Variants in KCNU1 observed in about 807,000 individuals in gnomAD.
The protein encoded by KCNU1 is potassium calcium-activated channel subfamily U member 1.
KCNU1 carries 93 observed loss-of-function variants against 126.8 expected under a neutral mutation model. That is an observed-to-expected ratio of 0.73 (90% CI 0.62 to 0.87). The LOEUF is 0.87. KCNU1 is among the 40% of genes least tolerant of loss of function. The probability of loss-of-function intolerance (pLI) is 0.00; values close to 1 mark genes in which losing one functional copy is unlikely to be tolerated. For synonymous variants in KCNU1, 523 were observed against 494.2 expected (o/e 1.06, Z -0.77); for missense variants, 1,330 against 1,367.1 (o/e 0.97, Z 0.43).
chr8:36,816,597 A>C (rs1327915137), intron 9 of KCNU1, among the ~76,000 whole-genome samples: 1 of 152,234 alleles, frequency 6.6e-6, no homozygotes, highest in Non-Finnish European at 1.5e-5. Flanking sequence ...CATTTGTCTC[A>C]GGAAAGGCCT....
intron 18 of KCNU1, among the ~76,000 whole-genome samples, chr8:36,847,128 C>T (rs939723407): frequency 4.6e-5 from 7 of 152,202 alleles, no homozygotes; most frequent in Non-Finnish European, 7.3e-5. Context: ...CAGGCTCTAT[C>T]ATTTGTTACT....
intron 2 of KCNU1, among the ~76,000 whole-genome samples, chr8:36,788,425 T>C (rs868315414): frequency 1.7e-4 from 26 of 152,186 alleles, no homozygotes; most frequent in African/African-American, 5.8e-4. Context: ...CTCCTTTCAG[T>C]AGTGTAGTTT....
intron 18 of KCNU1, among the ~76,000 whole-genome samples, chr8:36,862,908 T>C (rs1188719201): frequency 6.6e-6 from 1 of 152,178 alleles, no homozygotes; most frequent in Non-Finnish European, 1.5e-5. Flanking sequence ...TGACAGTTGG[T>C]AACACAGCTA....
intron 19 of KCNU1, 72 bp from the exon 20 acceptor site, chr8:36,905,636 G>C (rs1807594053): frequency 2.4e-6 from 2 of 844,212 alleles, no homozygotes; most frequent in Non-Finnish European, 4.2e-6. Context: ...GCTCTAATGA[G>C]TTTTACATCT....
intron 18 of KCNU1, among the ~76,000 whole-genome samples, chr8:36,857,533 C>G (rs1237649452): frequency 6.6e-6 from 1 of 152,154 alleles, no homozygotes; most frequent in African/African-American, 2.4e-5. Context: ...GTTCAAGTGC[C>G]AAAGATTCTT....
intron 6 of KCNU1, among the ~76,000 whole-genome samples, chr8:36,807,852 A>T (rs1803564900): frequency 6.6e-6 from 1 of 152,210 alleles, no homozygotes; most frequent in Admixed American, 6.5e-5. Context: ...TTGGAATGTA[A>T]GACAATTCCT....
chr8:36,923,340 A>T (rs531875636), intron 24 of KCNU1, among the ~76,000 whole-genome samples: 1 of 152,268 alleles, frequency 6.6e-6, no homozygotes, highest in South Asian at 2.1e-4. Flanking sequence ...CATGATAAAT[A>T]AGTAACACAG....
At chr8:36,907,523 G>A (rs1405781296) in intron 20 of KCNU1, among the ~76,000 whole-genome samples, 1 of 152,146 alleles carries the variant, frequency 6.6e-6, no homozygotes, top group Admixed American at 6.5e-5. Context: ...AATAGATTTG[G>A]TTAAGATTCA....
chr8:36,884,777 A>G lies in KCNU1; in HGVS notation c.2009+20256A>G, dbSNP rs185000941. Among the ~76,000 whole-genome samples, 712 of 147,510 alleles carry G rather than the reference A, an allele frequency of 4.8e-3. 7 individuals carry two copies. Among genetic ancestry groups the G allele is most frequent in the African/African-American group, 0.017 (673 of 39,518 alleles). On this transcript the variant is annotated intron_variant, in intron 19 of 26. Coordinates refer to ENST00000399881, the MANE Select transcript of KCNU1 (RefSeq NM_001031836.3). Reference sequence around the variant, plus strand: ...ATAAAAAATAAAAATAAAAACCAGGAAAAAAAAAAGAAAGAAAACCAAGCC... The same window carrying G: ...ATAAAAAATAAAAATAAAAACCAGGGAAAAAAAAAGAAAGAAAACCAAGCC...
At chr8:36,822,935 G>T (rs999276564) in intron 10 of KCNU1, among the ~76,000 whole-genome samples, 1 of 152,142 alleles carries the variant, frequency 6.6e-6, no homozygotes, top group Non-Finnish European at 1.5e-5. Context: ...AATTTAAAAG[G>T]TGAGAACTTT....
intron 19 of KCNU1, among the ~76,000 whole-genome samples, chr8:36,902,804 G>C (rs1011428598): frequency 7.2e-5 from 11 of 152,130 alleles, no homozygotes; most frequent in African/African-American, 2.4e-4. Flanking sequence ...TCAGGGTCCT[G>C]TCTGGTATGA....
intron 10 of KCNU1, among the ~76,000 whole-genome samples, chr8:36,824,046 G>A (rs547277512): frequency 5.0e-4 from 76 of 151,952 alleles, no homozygotes; most frequent in African/African-American, 7.5e-4. Context: ...CATGTTGGCC[G>A]GGCTGGTCTT....
chr8:36,814,166 A>G (rs768208677), intron 7 of KCNU1, 41 bp from the exon 8 acceptor site: 1 of 1,521,864 alleles, frequency 6.6e-7, no homozygotes, highest in Non-Finnish European at 9.1e-7. Flanking sequence ...CTTCTCTTGG[A>G]TTCTATTCAG....
At chr8:36,932,195 C>G (rs774349661) in intron 25 of KCNU1, among the ~76,000 whole-genome samples, 2 of 152,224 alleles carry the variant, frequency 1.3e-5, no homozygotes, top group South Asian at 2.1e-4. Context: ...GTAGTCTGGT[C>G]CTTTGCATTT....
chr8:36,893,549 T>G (rs185137542), intron 19 of KCNU1, among the ~76,000 whole-genome samples: 10 of 152,138 alleles, frequency 6.6e-5, no homozygotes, highest in African/African-American at 1.9e-4. Context: ...TCAGATCTAT[T>G]TTTTCTCTCT....
chr8:36,830,524 G>T (rs1804497396), intron 10 of KCNU1, among the ~76,000 whole-genome samples: 1 of 151,850 alleles, frequency 6.6e-6, no homozygotes, highest in African/African-American at 2.4e-5. Flanking sequence ...TGATTATTTT[G>T]TCTTTTTTAG....
chr8:36,785,341 T>C (rs1001978270), intron 1 of KCNU1, among the ~76,000 whole-genome samples: 21 of 152,188 alleles, frequency 1.4e-4, no homozygotes, highest in African/African-American at 4.6e-4. Context: ...CCCTGTGTAG[T>C]TTGTTTCCAA....
At chr8:36,800,005 C>G (rs10087832) in intron 2 of KCNU1, among the ~76,000 whole-genome samples, 3 of 152,106 alleles carry the variant, frequency 2.0e-5, no homozygotes, top group Admixed American at 2.0e-4. Context: ...ACTTCTCTCA[C>G]TTTCTTATCA....
At position 36,929,696 on chromosome 8, in the gene KCNU1, A is replaced by T. The variant is rs536401753; in HGVS notation, c.2737-1255A>T. Among the ~76,000 whole-genome samples the T allele has an allele frequency of 3.3e-5, 5 of 152,254 alleles. No individual in the cohort carries two copies. The East Asian group carries it at 9.7e-4, about 29-fold the overall frequency. ...AAAAGAACCGCTTAAGCAACTGTAG[A>T]TAGATTAACGTGCCCCAGAGGGGAC... On this transcript the variant is annotated intron_variant, in intron 24 of 26. Transcript: ENST00000399881.
Sources: allele counts gnomAD v4.1 joint callset (sites outside exome capture counted in the v4.1 genomes callset), GRCh38; gene constraint gnomAD v4.1.1; transcripts MANE v1.5; gene names NCBI Gene and HGNC (gene_info 2026-07-23, HGNC 2026-07-21).